The following CRYBA4 variants were observed in gnomAD, a reference collection of about 807,000 sequenced individuals.
CRYBA4 encodes the protein beta-crystallin A4.
Under a neutral mutation model 31.7 loss-of-function variants are expected in CRYBA4, and 30 were observed. The ratio of observed to expected loss-of-function variants is 0.95; its 90% CI spans 0.71 to 1.28. The LOEUF (loss-of-function observed/expected upper bound fraction) is 1.28. CRYBA4 is among the 50% of genes most tolerant of loss of function. CRYBA4 has a pLI of 0.00. For synonymous variants in CRYBA4, 102 were observed against 102.3 expected (o/e 1.00, Z 0.02); for missense variants, 225 against 260.7 (o/e 0.86, Z 0.94).
the CRYBA4 span, among the ~76,000 whole-genome samples, chr22:26,608,447 A>T: frequency 6.6e-6 from 1 of 152,244 alleles, no homozygotes; most frequent in South Asian, 2.1e-4. Context: ...TGCCTTTAAC[A>T]CTTACTAATC....
chr22:26,602,257 G>A, the CRYBA4 span, among the ~76,000 whole-genome samples: 1 of 152,064 alleles, frequency 6.6e-6, no homozygotes, highest in African/African-American at 2.4e-5. Context: ...AGAGCACTGA[G>A]CACGATGCCT....
chr22:26,591,885 G>A, the CRYBA4 span, among the ~76,000 whole-genome samples: 24 of 72,850 alleles, frequency 3.3e-4, no homozygotes. Flanking sequence ...TCCATCCTGG[G>A]TGAGTACACA....
At chr22:26,590,644 A>C in the CRYBA4 span, among the ~76,000 whole-genome samples, 3 of 152,088 alleles carry the variant, frequency 2.0e-5, no homozygotes, top group African/African-American at 7.2e-5. Flanking sequence ...CTCTGAAGAC[A>C]TTTTTGGTTG....
At chr22:26,601,548 G>A in the CRYBA4 span, among the ~76,000 whole-genome samples, 2 of 151,536 alleles carry the variant, frequency 1.3e-5, no homozygotes, top group African/African-American at 4.9e-5. Flanking sequence ...CCTGCTCCTG[G>A]ATGCATCCAG....
At chr22:26,618,978 G>C (rs969362045), upstream of CRYBA4, among the ~76,000 whole-genome samples, 2 of 152,176 alleles carry the variant, frequency 1.3e-5, no homozygotes, top group Non-Finnish European at 2.9e-5. Flanking sequence ...ATGACTGCCT[G>C]TCCCAGAGCC....
chr22:26,601,936 C>T, the CRYBA4 span: 1 of 1,613,182 alleles, frequency 6.2e-7, no homozygotes, highest in Non-Finnish European at 8.5e-7. Flanking sequence ...GACCCAGAGA[C>T]TGGGTGCGTC....
the CRYBA4 span, chr22:26,599,638 T>C: frequency 1.9e-6 from 3 of 1,614,144 alleles, no homozygotes; most frequent in Non-Finnish European, 1.7e-6. Flanking sequence ...GAGGTACTGG[T>C]ACCCGCGGTA....
chr22:26,599,680 G>A, the CRYBA4 span: 1 of 1,613,204 alleles, frequency 6.2e-7, no homozygotes, highest in Non-Finnish European at 8.5e-7. Flanking sequence ...CCATCTGAGA[G>A]AAAAGTGAGA....
chr22:26,630,108 G>A (rs1226108897), intron 5 of CRYBA4, among the ~76,000 whole-genome samples: 1 of 152,244 alleles, frequency 6.6e-6, no homozygotes, highest in African/African-American at 2.4e-5. Flanking sequence ...GATGAGCCAT[G>A]AAGGACAAAT....
At chr22:26,613,755 A>G in the CRYBA4 span, among the ~76,000 whole-genome samples, 1 of 152,250 alleles carries the variant, frequency 6.6e-6, no homozygotes, top group Non-Finnish European at 1.5e-5. Flanking sequence ...AGAACAGGAT[A>G]ACAGCAATTG....
At chr22:26,591,990 GGT>G in the CRYBA4 span, among the ~76,000 whole-genome samples, 3 of 151,862 alleles carry the variant, frequency 2.0e-5, no homozygotes, top group East Asian at 5.8e-4. Context: ...TTCATTCATT[GGT>G]CATTCATTAA....
At chr22:26,620,820 C>A (rs978188651), upstream of CRYBA4, among the ~76,000 whole-genome samples, 1 of 152,166 alleles carries the variant, frequency 6.6e-6, no homozygotes. Context: ...ACCTCGGCCT[C>A]CCAAAGTGCT....
At chr22:26,628,223 C>A in intron 4 of CRYBA4, 65 bp from the exon 5 acceptor site, 1 of 1,611,448 alleles carries the variant, frequency 6.2e-7, no homozygotes, top group Non-Finnish European at 8.5e-7. Flanking sequence ...GTGTGGAGGC[C>A]AGGAGAGGCT....
At chr22:26,594,597 G>A in the CRYBA4 span, among the ~76,000 whole-genome samples, 1 of 152,098 alleles carries the variant, frequency 6.6e-6, no homozygotes, top group Non-Finnish European at 1.5e-5. Context: ...AGTGCTTAGG[G>A]ACACTCCTGC....
the CRYBA4 span, among the ~76,000 whole-genome samples, chr22:26,592,520 G>C: frequency 6.6e-6 from 1 of 152,234 alleles, no homozygotes; most frequent in Non-Finnish European, 1.5e-5. Flanking sequence ...ACAGAATCTA[G>C]CAGGTGCAAA....
the CRYBA4 span, chr22:26,612,100 C>T: frequency 6.2e-7 from 1 of 1,613,774 alleles, no homozygotes; most frequent in Non-Finnish European, 8.5e-7. Context: ...ATGCTGCGCA[C>T]ACGGTCGAAG....
chr22:26,597,112 AG>A, the CRYBA4 span, among the ~76,000 whole-genome samples: 1 of 152,156 alleles, frequency 6.6e-6, no homozygotes, highest in South Asian at 2.1e-4. Flanking sequence ...AGATTATGTG[AG>A]GTGGTGTCTC....
At chr22:26,615,645 C>T in the CRYBA4 span, among the ~76,000 whole-genome samples, 344 of 152,166 alleles carry the variant, frequency 2.3e-3, 1 homozygote, top group African/African-American at 7.9e-3. Flanking sequence ...TCCCAAGTAG[C>T]TGGGATTACA....
At chr22:26,616,224 G>C in the CRYBA4 span, 1 of 1,613,940 alleles carries the variant, frequency 6.2e-7, no homozygotes, top group African/African-American at 1.3e-5. Context: ...CGGGACTAGG[G>C]GATGTTCCTG....
Sources: allele counts gnomAD v4.1 joint callset (sites outside exome capture counted in the v4.1 genomes callset), GRCh38; gene constraint gnomAD v4.1.1; transcripts MANE v1.5; gene names NCBI Gene and HGNC (gene_info 2026-07-23, HGNC 2026-07-21).